The following SPAG11B variants were observed in gnomAD, a reference collection of about 807,000 sequenced individuals.
SPAG11B encodes the protein sperm associated antigen 11B, also known as sperm-associated antigen 11B.
SPAG11B carries 5 observed loss-of-function variants against 8.9 expected under a neutral mutation model. The observed-to-expected ratio is 0.56, with a 90% confidence interval of 0.29 to 1.19. The LOEUF is 1.19. SPAG11B is among the 50% of genes most tolerant of loss of function. SPAG11B has a pLI of 0.08. For missense variants in SPAG11B, 38 were observed against 146.4 expected, an observed-to-expected ratio of 0.26 and a Z score of 3.82; for synonymous variants, 12 against 53.0, an observed-to-expected ratio of 0.23 and a Z score of 3.36.
intron 2 of SPAG11B, among the ~76,000 whole-genome samples, chr8:7,459,441 T>A (rs1238166518): frequency 1.4e-5 from 2 of 145,862 alleles, no homozygotes; most frequent in Admixed American, 1.4e-4. Flanking sequence ...CGGTTCTTTC[T>A]GAGAGAAAAC....
intron 2 of SPAG11B, among the ~76,000 whole-genome samples, chr8:7,454,082 CAAAA>C (rs1332122490): frequency 1.5e-5 from 1 of 67,914 alleles, no homozygotes; most frequent in Non-Finnish European, 2.8e-5. Context: ...TGAAATCTCT[CAAAA>C]AAAAAAAAAA....
At chr8:7,458,236 AG>A (rs1810565090) in intron 2 of SPAG11B, among the ~76,000 whole-genome samples, 1 of 115,782 alleles carries the variant, frequency 8.6e-6, no homozygotes, top group East Asian at 2.5e-4. Context: ...TATTTATTAA[AG>A]ACATCCATGA....
intron 2 of SPAG11B, among the ~76,000 whole-genome samples, chr8:7,458,595 G>T (rs1445172476): frequency 1.7e-5 from 1 of 58,924 alleles, no homozygotes; most frequent in Non-Finnish European, 2.9e-5. Flanking sequence ...CGTTGAGAAA[G>T]AAAGGGACTA....
At chr8:7,453,129 C>T (rs1219188340) in intron 2 of SPAG11B, among the ~76,000 whole-genome samples, 1 of 142,838 alleles carries the variant, frequency 7.0e-6, no homozygotes, top group African/African-American at 2.8e-5. Context: ...GCAGAGAGCC[C>T]CCGGCAACCA....
At chr8:7,453,028 C>A (rs1344103953) in intron 2 of SPAG11B, among the ~76,000 whole-genome samples, 1 of 145,934 alleles carries the variant, frequency 6.9e-6, no homozygotes, top group African/African-American at 2.6e-5. Context: ...TATGAAGAGC[C>A]AGGATATTGT....
chr8:7,451,736 A>G (rs1810190968), intron 2 of SPAG11B, among the ~76,000 whole-genome samples: 1 of 151,024 alleles, frequency 6.6e-6, no homozygotes. Context: ...ACTTCTTCCA[A>G]TATCTCATTA....
downstream of SPAG11B, among the ~76,000 whole-genome samples, chr8:7,448,302 CAAAAAAAAAAAAAA>C (rs71221492): frequency 2.3e-4 from 11 of 48,854 alleles, no homozygotes; most frequent in South Asian, 8.8e-4. Context: ...AACAAGTGGT[CAAAAAAAAAAAAAA>C]AAAAAAAAAA....
chr8:7,448,910 A>G (rs1187641352), downstream of SPAG11B, among the ~76,000 whole-genome samples: 1 of 144,300 alleles, frequency 6.9e-6, no homozygotes, highest in Non-Finnish European at 1.5e-5. Flanking sequence ...ACAGGTGGAC[A>G]AACACTTCCT....
At chr8:7,454,507 CTA>C (rs1810384861) in intron 2 of SPAG11B, among the ~76,000 whole-genome samples, 1 of 105,354 alleles carries the variant, frequency 9.5e-6, no homozygotes, top group East Asian at 2.6e-4. Context: ...AAACAATAAA[CTA>C]TGTTGGAAAA....
chr8:7,453,822 AC>A (rs1810337072), intron 2 of SPAG11B, among the ~76,000 whole-genome samples: 1 of 149,082 alleles, frequency 6.7e-6, no homozygotes, highest in East Asian at 1.9e-4. Context: ...TCTCTGACTC[AC>A]AGACCTTTCT....
intron 2 of SPAG11B, among the ~76,000 whole-genome samples, chr8:7,453,906 C>T (rs1810344335): frequency 6.7e-6 from 1 of 148,556 alleles, no homozygotes; most frequent in African/African-American, 2.5e-5. Context: ...TTTGACCCTC[C>T]ACCAAAAAAA....
downstream of SPAG11B, among the ~76,000 whole-genome samples, chr8:7,449,442 C>T (rs527864356): frequency 6.8e-6 from 1 of 146,660 alleles, no homozygotes; most frequent in Admixed American, 6.7e-5. Context: ...TGCTGCGTTT[C>T]ACTCTGAGCC....
intron 2 of SPAG11B, among the ~76,000 whole-genome samples, chr8:7,454,082 CAAAAAAAAAA>C (rs1332122490): frequency 1.5e-5 from 1 of 67,928 alleles, no homozygotes; most frequent in South Asian, 4.7e-4. Flanking sequence ...TGAAATCTCT[CAAAAAAAAAA>C]AAAAAAAGAA....
At chr8:7,454,424 A>AT (rs1419221698) in intron 2 of SPAG11B, among the ~76,000 whole-genome samples, 1 of 89,634 alleles carries the variant, frequency 1.1e-5, no homozygotes, top group East Asian at 3.1e-4. Flanking sequence ...TGGATGGCAT[A>AT]TTTTTTCTAG....
At chr8:7,451,380 T>C (rs1162080658) in intron 2 of SPAG11B, among the ~76,000 whole-genome samples, 2 of 129,884 alleles carry the variant, frequency 1.5e-5, no homozygotes, top group South Asian at 2.5e-4. Flanking sequence ...TGTGGGCTTG[T>C]AAGTCACAAA....
At chr8:7,449,548 A>C (rs1289878783), downstream of SPAG11B, among the ~76,000 whole-genome samples, 619 of 141,806 alleles carry the variant, frequency 4.4e-3, no homozygotes, top group East Asian at 0.01. Flanking sequence ...AGCCCTGCAG[A>C]GGTGCCTGTG....
chr8:7,449,429 G>A (rs1169350477), downstream of SPAG11B, among the ~76,000 whole-genome samples: 3 of 146,466 alleles, frequency 2.0e-5, no homozygotes, highest in Non-Finnish European at 3.0e-5. Context: ...AGGCATGCAC[G>A]TTTGCTGCGT....
At chr8:7,454,082 CAAA>C (rs1332122490) in intron 2 of SPAG11B, among the ~76,000 whole-genome samples, 4 of 67,914 alleles carry the variant, frequency 5.9e-5, no homozygotes, top group East Asian at 8.2e-4. Flanking sequence ...TGAAATCTCT[CAAA>C]AAAAAAAAAA....
At chr8:7,453,858 G>A (rs1396386634) in intron 2 of SPAG11B, among the ~76,000 whole-genome samples, 5 of 149,114 alleles carry the variant, frequency 3.4e-5, no homozygotes, top group Non-Finnish European at 5.9e-5. Context: ...CACCTTTGAA[G>A]TTAAGACTTT....
Sources: gnomAD v4.1 joint callset for allele counts (sites outside exome capture counted in the v4.1 genomes callset) on GRCh38, gnomAD v4.1.1 for gene constraint, MANE v1.5 for transcripts, NCBI Gene and HGNC (gene_info 2026-07-23, HGNC 2026-07-21) for gene names.